LINGO1: variants seen among roughly 807,000 people sequenced by gnomAD.
The protein encoded by LINGO1 is leucine-rich repeat and immunoglobulin-like domain-containing nogo receptor-interacting protein 1.
In LINGO1, 11 loss-of-function variants were observed where a neutral mutation model predicts 37.3. The observed-to-expected ratio is 0.29, with a 90% CI of 0.19 to 0.49. The LOEUF is 0.49. Among genes scored for constraint, LINGO1 ranks in the 20% least tolerant of loss-of-function variants. The pLI is 0.99. For synonymous variants in LINGO1, 387 were observed against 403.0 expected (o/e 0.96, Z 0.48); for missense variants, 585 against 878.2 (o/e 0.67, Z 4.22).
At chr15:77,729,923 TGCTTA>T (rs1480702346) in intron 2 of LINGO1, among the ~76,000 whole-genome samples, 1 of 152,234 alleles carries the variant, frequency 6.6e-6, no homozygotes, top group East Asian at 1.9e-4. Context: ...ATCACAATTA[TGCTTA>T]GCTCTCACAA....
chr15:77,714,158 C>T lies in LINGO1; in HGVS notation c.-195+20834G>A, dbSNP rs146619703. Among the ~76,000 whole-genome samples, 28 of 152,214 alleles carry T rather than the reference C, an allele frequency of 1.8e-4. 1 individual carries two copies. The East Asian group carries it at 5.2e-3, about 28-fold the overall frequency. ...GCACCTCCACATCTCAGAGGATGACCGCAGCGGCTCAAGCCAGGAATTGAG... is the reference window on the plus strand; with the variant it reads ...GCACCTCCACATCTCAGAGGATGACTGCAGCGGCTCAAGCCAGGAATTGAG... On this transcript the variant is annotated intron_variant, in intron 2 of 3. Coordinates refer to the LINGO1 transcript ENST00000561686.
chr15:77,809,737 C>G (rs77566630), intron 1 of LINGO1, among the ~76,000 whole-genome samples: 2,340 of 152,306 alleles, frequency 0.015, 54 homozygotes, highest in African/African-American at 0.053. Context: ...ACCTGTCCTC[C>G]CCACCTGGCT....
chr15:77,772,541 C>T (rs558571797), intron 1 of LINGO1, among the ~76,000 whole-genome samples: 2 of 152,182 alleles, frequency 1.3e-5, no homozygotes, highest in South Asian at 2.1e-4. Flanking sequence ...CCTTGGCTTC[C>T]GCTGTCAACG....
intron 3 of LINGO1, chr15:77,641,890 T>A (rs1210145770): frequency 4.4e-6 from 2 of 456,628 alleles, no homozygotes. Context: ...TGGGAAGAAC[T>A]AGACACTGGG....
intron 1 of LINGO1, among the ~76,000 whole-genome samples, chr15:77,755,008 G>A (rs926125488): frequency 1.3e-5 from 2 of 152,216 alleles, no homozygotes; most frequent in Admixed American, 6.5e-5. Context: ...CACACAAAAG[G>A]TATGGCCTCT....
At chr15:77,742,055 T>C (rs2076269971) in intron 1 of LINGO1, among the ~76,000 whole-genome samples, 1 of 152,132 alleles carries the variant, frequency 6.6e-6, no homozygotes, top group Non-Finnish European at 1.5e-5. Context: ...AGGAGCTCCA[T>C]GGACCCATCC....
Position 77,615,430 on chromosome 15 carries a change from C to T in LINGO1, c.477G>A (p.Leu159=), listed in dbSNP as rs1291901754. The T allele has an allele frequency of 1.2e-6, 2 of 1,614,024 alleles. No homozygotes were observed. The highest frequency in any genetic ancestry group is 8.5e-7 in the Non-Finnish European group (1 of 1,179,894). ...DISENKIVIL[L]DYMFQDLYNL... ...TGTACAGGTCCTGAAACATGTAGTC[C>T]AGTAGGATAACGATCTTGTTCTCGC... is the stretch of plus-strand genomic sequence containing the variant. The change falls in exon 2 of 2, where the codon CTG becomes CTA. Residue 159 remains leucine (L), a synonymous_variant. Coordinates refer to ENST00000355300, the MANE Select transcript of LINGO1 (RefSeq NM_032808.7).
At chr15:77,681,249 G>A (rs1344254776) in intron 2 of LINGO1, among the ~76,000 whole-genome samples, 2 of 151,880 alleles carry the variant, frequency 1.3e-5, no homozygotes, top group Admixed American at 6.6e-5. Context: ...CTTTGTAAAT[G>A]AGACCTGTTT....
intron 3 of LINGO1, among the ~76,000 whole-genome samples, chr15:77,642,348 G>A (rs926466980): frequency 7.2e-5 from 11 of 152,358 alleles, no homozygotes; most frequent in Admixed American, 2.6e-4. Context: ...CAGGCCTCTC[G>A]AGTCAGAGCT....
At chr15:77,794,511 TAC>T (rs2076852821) in intron 2 of LINGO1, among the ~76,000 whole-genome samples, 1 of 136,422 alleles carries the variant, frequency 7.3e-6, no homozygotes, top group African/African-American at 2.7e-5. Context: ...TATGTGTATA[TAC>T]ATACATATAT....
At chr15:77,754,528 A>G (rs2076401682) in intron 1 of LINGO1, among the ~76,000 whole-genome samples, 1 of 152,222 alleles carries the variant, frequency 6.6e-6, no homozygotes. Flanking sequence ...AACATTAATT[A>G]ATTCATTAGG....
At chr15:77,619,336 T>C (rs1326709770) in intron 1 of LINGO1, among the ~76,000 whole-genome samples, 1 of 152,142 alleles carries the variant, frequency 6.6e-6, no homozygotes, top group Non-Finnish European at 1.5e-5. Flanking sequence ...GCTAACCCTA[T>C]ATCAGGCCCA....
At chr15:77,794,736 C>T (rs1365777683) in intron 2 of LINGO1, among the ~76,000 whole-genome samples, 11 of 151,530 alleles carry the variant, frequency 7.3e-5, no homozygotes, top group Admixed American at 4.6e-4. Flanking sequence ...TACAGGCGCC[C>T]GCCACCACGC....
chr15:77,705,427 C>T (rs566381842), intron 2 of LINGO1, among the ~76,000 whole-genome samples: 4 of 152,290 alleles, frequency 2.6e-5, no homozygotes, highest in Non-Finnish European at 5.9e-5. Flanking sequence ...CTGGGAGGTG[C>T]GTGGTGGCCC....
At chr15:77,654,836 C>T (rs2074834037) in intron 3 of LINGO1, among the ~76,000 whole-genome samples, 1 of 152,144 alleles carries the variant, frequency 6.6e-6, no homozygotes, top group Non-Finnish European at 1.5e-5. Flanking sequence ...CGAAATGAGA[C>T]GTAAAGATCT....
At chr15:77,634,012 G>C (rs1049679759), upstream of LINGO1, among the ~76,000 whole-genome samples, 1 of 151,958 alleles carries the variant, frequency 6.6e-6, no homozygotes, top group African/African-American at 2.4e-5. Context: ...CCCCTGCTGG[G>C]AACAACCCAT....
intron 3 of LINGO1, among the ~76,000 whole-genome samples, chr15:77,640,217 CGCAAAGTCT>C (rs2074474737): frequency 6.6e-6 from 1 of 152,160 alleles, no homozygotes; most frequent in Non-Finnish European, 1.5e-5. Flanking sequence ...TTGAGAGACT[CGCAAAGTCT>C]TGATTAATCA....
chr15:77,727,611 G>A (rs1203129446), intron 2 of LINGO1, among the ~76,000 whole-genome samples: 1 of 152,116 alleles, frequency 6.6e-6, no homozygotes, highest in East Asian at 1.9e-4. Context: ...GTTGTCCAGT[G>A]GATACAGAAT....
intron 3 of LINGO1, among the ~76,000 whole-genome samples, chr15:77,670,374 A>G (rs2075226608): frequency 6.6e-6 from 1 of 152,246 alleles, no homozygotes; most frequent in African/African-American, 2.4e-5. Flanking sequence ...ATTTTTTAAA[A>G]CCAAATTGTT....
Sources: allele counts gnomAD v4.1 joint callset (sites outside exome capture counted in the v4.1 genomes callset), GRCh38; gene constraint gnomAD v4.1.1; transcripts MANE v1.5; gene names NCBI Gene and HGNC (gene_info 2026-07-23, HGNC 2026-07-21).